Variants in UTS2 observed in about 807,000 individuals in gnomAD.
UTS2 encodes the protein urotensin 2.
A neutral mutation model predicts 12.6 loss-of-function variants in UTS2; 10 were observed. That is an observed-to-expected ratio of 0.80 (90% confidence interval 0.49 to 1.35). The LOEUF is 1.35. UTS2 is among the 40% of genes most tolerant of loss of function. The pLI, the probability that UTS2 is intolerant of heterozygous loss-of-function variation, is 0.00. For synonymous variants in UTS2, 52 were observed against 50.0 expected (o/e 1.04, Z -0.17); for missense variants, 142 against 143.2 (o/e 0.99, Z 0.04).
At chr1:7,909,621 T>C in the UTS2 span, among the ~76,000 whole-genome samples, 1 of 151,690 alleles carries the variant, frequency 6.6e-6, no homozygotes, top group East Asian at 2.0e-4. Flanking sequence ...TAAACAGCAC[T>C]ATTTTATATT....
chr1:7,852,354 T>G (rs1468331514), intron 1 of UTS2, among the ~76,000 whole-genome samples: 1 of 152,158 alleles, frequency 6.6e-6, no homozygotes, highest in African/African-American at 2.4e-5. Flanking sequence ...TTAAACTGAA[T>G]TAACATAAAT....
chr1:7,860,766 G>A, the UTS2 span, among the ~76,000 whole-genome samples: 1 of 151,906 alleles, frequency 6.6e-6, no homozygotes, highest in African/African-American at 2.4e-5. Context: ...GTCCGGGCTG[G>A]GCCTGGTGGC....
At chr1:7,873,905 C>G in the UTS2 span, among the ~76,000 whole-genome samples, 1 of 152,098 alleles carries the variant, frequency 6.6e-6, no homozygotes, top group African/African-American at 2.4e-5. Context: ...ATGCAGCAAA[C>G]CTCATCATTG....
At chr1:7,905,053 G>T in the UTS2 span, among the ~76,000 whole-genome samples, 1 of 151,898 alleles carries the variant, frequency 6.6e-6, no homozygotes, top group African/African-American at 2.4e-5. Flanking sequence ...CTGTCACCTT[G>T]GCTAGGCTAT....
the UTS2 span, among the ~76,000 whole-genome samples, chr1:7,878,392 A>C: frequency 1.3e-5 from 2 of 152,232 alleles, 1 homozygote; most frequent in Admixed American, 1.3e-4. Context: ...GAAAGTACTC[A>C]AATGTTACCA....
At chr1:7,910,754 A>G in the UTS2 span, among the ~76,000 whole-genome samples, 1 of 151,976 alleles carries the variant, frequency 6.6e-6, no homozygotes, top group Non-Finnish European at 1.5e-5. Flanking sequence ...TCAGACAGGG[A>G]CTTGCTCTGT....
chr1:7,892,146 G>A, the UTS2 span, among the ~76,000 whole-genome samples: 1 of 152,210 alleles, frequency 6.6e-6, no homozygotes, highest in African/African-American at 2.4e-5. Flanking sequence ...TCACTGCATG[G>A]TCAGGGTCGG....
the UTS2 span, among the ~76,000 whole-genome samples, chr1:7,900,794 T>C: frequency 2.7e-5 from 4 of 150,642 alleles, no homozygotes; most frequent in Non-Finnish European, 5.9e-5. Flanking sequence ...AAAAAAAAAA[T>C]TGTTTCATGT....
In UTS2 at chr1:7,847,740, G is replaced by GCTGA; in HGVS notation, c.*22_*25dup. The stretch of plus-strand genomic sequence containing the variant: ...CATATTCTAAGATGGGTGTTTCTGA[G>GCTGA]CTGACTAACAGATGCTTATTTCACT... On this transcript the variant is annotated 3_prime_UTR_variant, in exon 4 of 4. Transcript: ENST00000361696. 1 of 1,536,002 alleles carries GCTGA rather than the reference G, an allele frequency of 6.5e-7. No individual in the cohort carries two copies. The highest frequency in any genetic ancestry group is 9.0e-7 in the Non-Finnish European group (1 of 1,116,746).
the UTS2 span, among the ~76,000 whole-genome samples, chr1:7,874,317 G>C: frequency 5.3e-5 from 8 of 152,170 alleles, no homozygotes; most frequent in Non-Finnish European, 1.2e-4. Flanking sequence ...GGGATTTTAT[G>C]ATGGGTCCTA....
the UTS2 span, among the ~76,000 whole-genome samples, chr1:7,906,510 A>AGAAAGAAAGAAAGAAAGAAAGAAAG: frequency 6.9e-6 from 1 of 144,856 alleles, no homozygotes; most frequent in African/African-American, 2.5e-5. Context: ...AAAGAAAGAA[A>AGAAAGAAAGAAAGAAAGAAAGAAAG]AGAGGGAGGG....
At chr1:7,866,943 C>T in the UTS2 span, among the ~76,000 whole-genome samples, 1 of 152,080 alleles carries the variant, frequency 6.6e-6, no homozygotes, top group Non-Finnish European at 1.5e-5. The surrounding 1 kb of genome is among the most constrained non-coding windows in gnomAD (Gnocchi z 4.5). Context: ...CACCTTGGCT[C>T]ACTGCAACCT....
At chr1:7,900,944 A>T in the UTS2 span, among the ~76,000 whole-genome samples, 1 of 152,210 alleles carries the variant, frequency 6.6e-6, no homozygotes, top group African/African-American at 2.4e-5. Context: ...GATCCACTCC[A>T]TGAAAGTTTA....
At chr1:7,910,970 C>T in the UTS2 span, among the ~76,000 whole-genome samples, 1 of 151,978 alleles carries the variant, frequency 6.6e-6, no homozygotes, top group Admixed American at 6.6e-5. Context: ...CCAGGCTAGT[C>T]GTGAATGCCT....
At chr1:7,867,986 C>T in the UTS2 span, among the ~76,000 whole-genome samples, 3 of 152,122 alleles carry the variant, frequency 2.0e-5, no homozygotes, top group Non-Finnish European at 2.9e-5. Flanking sequence ...TACAGCTGGT[C>T]GCAGTGAAGA....
At chr1:7,856,667 C>T (rs1638317026), upstream of UTS2, among the ~76,000 whole-genome samples, 2 of 45,854 alleles carry the variant, frequency 4.4e-5, no homozygotes, top group Non-Finnish European at 1.0e-4. Context: ...TCACTTAAGA[C>T]TTGTTAACTC....
chr1:7,902,485 C>A, the UTS2 span, among the ~76,000 whole-genome samples: 2 of 152,272 alleles, frequency 1.3e-5, no homozygotes, highest in African/African-American at 2.4e-5. Flanking sequence ...TACTTCCACT[C>A]CCCATACATT....
At chr1:7,849,498 A>G in intron 3 of UTS2, 142 bp downstream of exon 3, 1 of 716,864 alleles carries the variant, frequency 1.4e-6, no homozygotes, top group Non-Finnish European at 2.2e-6. Context: ...GGCATGAGCT[A>G]CCGCGCCTGG....
At chr1:7,909,457 T>C in the UTS2 span, among the ~76,000 whole-genome samples, 3 of 149,590 alleles carry the variant, frequency 2.0e-5, no homozygotes, top group South Asian at 6.3e-4. Context: ...GAGAGGAGAA[T>C]TGCTTGAACC....
Sources: gnomAD v4.1 joint callset for allele counts (sites outside exome capture counted in the v4.1 genomes callset) on GRCh38, gnomAD v4.1.1 for gene constraint, Gnocchi (gnomAD v3.1) non-coding constraint, MANE v1.5 for transcripts, NCBI Gene and HGNC (gene_info 2026-07-23, HGNC 2026-07-21) for gene names.